The following GPAM variants were observed in gnomAD, a reference collection of about 807,000 sequenced individuals.
GPAM encodes glycerol-3-phosphate acyltransferase, mitochondrial.
GPAM carries 56 observed loss-of-function variants against 105.0 expected under a neutral mutation model. The ratio of observed to expected loss-of-function variants is 0.53; its 90% CI spans 0.43 to 0.67. The LOEUF is 0.67. Ranked by LOEUF, GPAM falls within the 30% of genes least tolerant of loss-of-function variation. GPAM has a pLI of 0.00. For missense variants in GPAM, 855 were observed against 989.8 expected (o/e 0.86, Z 1.83); for synonymous variants, 368 against 354.4 (o/e 1.04, Z -0.43).
chr10:112,167,115 AAGG>A (rs1441124932), intron 11 of GPAM, among the ~76,000 whole-genome samples: 1 of 152,128 alleles, frequency 6.6e-6, no homozygotes, highest in Non-Finnish European at 1.5e-5. Context: ...CATAGAACAC[AAGG>A]AGAAGAGTGT....
chr10:112,175,456 G>A (rs1378257033), intron 6 of GPAM, 144 bp downstream of exon 6: 2 of 656,208 alleles, frequency 3.0e-6, no homozygotes, highest in African/African-American at 1.8e-5. Flanking sequence ...TTCCTTTGGA[G>A]CTTAACATTT....
At chr10:112,189,555 C>A (rs964939714) in intron 1 of GPAM, among the ~76,000 whole-genome samples, 2 of 152,178 alleles carry the variant, frequency 1.3e-5, no homozygotes, top group Non-Finnish European at 2.9e-5. Flanking sequence ...TCAGGGTGAT[C>A]TCTTGCCTAG....
chr10:112,217,264 G>C (rs1220588032), upstream of GPAM, among the ~76,000 whole-genome samples: 1 of 152,102 alleles, frequency 6.6e-6, no homozygotes, highest in Non-Finnish European at 1.5e-5. Context: ...GCAATCATAG[G>C]ATATGTGACC....
In GPAM at chr10:112,182,856, T is replaced by A. The variant is rs577111568; in HGVS notation, c.-92A>T. The A allele has an allele frequency of 7.9e-5, 12 of 152,216 alleles. No homozygotes were observed. Among genetic ancestry groups the A allele is most frequent in the African/African-American group, 1.4e-4 (6 of 41,454 alleles). The allele number at this position is 152,216 out of a possible 1,614,324, so 9.4% of individuals were successfully genotyped here. A position where few individuals can be genotyped will look rare whatever the true frequency, so the allele number is the denominator to read the frequency against. ...TCAGGACTCAGCTATCAGTTTCGGG[T>A]GCAGAATGTCCATACAACAGGGGAG... On this transcript the variant is annotated 5_prime_UTR_variant, in exon 2 of 22. Transcript: ENST00000348367.
chr10:112,168,546 A>G, intron 10 of GPAM, 22 bp from the exon 11 acceptor site: 1 of 1,466,904 alleles, frequency 6.8e-7, no homozygotes, highest in Non-Finnish European at 9.6e-7. Flanking sequence ...GAAGAAAGTA[A>G]AACATACATT....
At chr10:112,221,499 T>G in the GPAM span, among the ~76,000 whole-genome samples, 1 of 152,240 alleles carries the variant, frequency 6.6e-6, no homozygotes, top group Non-Finnish European at 1.5e-5. Context: ...AATCTGCATT[T>G]TAACAGAATG....
intron 1 of GPAM, among the ~76,000 whole-genome samples, chr10:112,199,752 G>A (rs777447979): frequency 5.9e-5 from 9 of 152,116 alleles, no homozygotes; most frequent in African/African-American, 1.9e-4. Flanking sequence ...CACATCTTAC[G>A]TGGCAGCAGG....
chr10:112,159,908 C>A lies in GPAM; in HGVS notation c.1902+3G>T, dbSNP rs1369267045. 1 of 1,613,512 alleles carries A rather than the reference C, an allele frequency of 6.2e-7. No homozygotes were observed. The highest frequency in any genetic ancestry group is 1.3e-5 in the African/African-American group (1 of 74,916). On this transcript the variant is annotated splice_donor_region_variant and intron_variant, in intron 17 of 21. Coordinates refer to ENST00000348367, the MANE Select transcript of GPAM (RefSeq NM_001244949.2). ...CAGGCAACACTGAAGGGTCTTCACT[C>A]ACCAGTGAGATGGTGCCTTCATTGG...
At chr10:112,165,269 A>G (rs984064225) in intron 12 of GPAM, among the ~76,000 whole-genome samples, 1 of 152,148 alleles carries the variant, frequency 6.6e-6, no homozygotes, top group African/African-American at 2.4e-5. Flanking sequence ...AAGAATTTAA[A>G]CCAGCAAGGG....
At position 112,152,251 on chromosome 10, in the gene GPAM, A is replaced by T; in HGVS notation, c.*1299T>A. The stretch of plus-strand genomic sequence containing the variant: ...CTGTTAGAAAACGTTTTAACATTAC[A>T]TGATATTTAAAAAATCACCATAATT... On this transcript the variant is annotated 3_prime_UTR_variant, in exon 22 of 22. Transcript: ENST00000348367. 2.0e-6 allele frequency: 2 copies of T among 977,330 alleles called. No homozygotes were observed. Among genetic ancestry groups the T allele is most frequent in the Non-Finnish European group, 2.4e-6 (2 of 822,716 alleles). The allele number at this position is 977,330 out of a possible 1,614,324, so 60.5% of individuals were successfully genotyped here. A position where few individuals can be genotyped will look rare whatever the true frequency, so the allele number is the denominator to read the frequency against.
Position 112,179,977 on chromosome 10 carries a change from C to T in GPAM, c.225+496G>A, listed in dbSNP as rs142584805. Reference sequence around the variant, plus strand: ...TTTCACCAAAATACAAACAACAAACCCATATACACTCTCTTAAATCTTCAT... The same window carrying T: ...TTTCACCAAAATACAAACAACAAACTCATATACACTCTCTTAAATCTTCAT... On this transcript the variant is annotated intron_variant, in intron 4 of 21. Coordinates refer to ENST00000348367, the MANE Select transcript of GPAM (RefSeq NM_001244949.2). 6.3e-3 allele frequency among the ~76,000 whole-genome samples: 966 copies of T among 152,192 alleles called. 8 individuals are homozygous for T. The highest frequency in any genetic ancestry group is 0.022 in the African/African-American group (905 of 41,526).
At position 112,180,602 on chromosome 10, in the gene GPAM, A is replaced by T. The variant is rs766508573; in HGVS notation, c.103-7T>A. 6 of 1,604,780 alleles carry T rather than the reference A, an allele frequency of 3.7e-6. No homozygotes were observed. The highest frequency in any genetic ancestry group is 1.7e-4 in the Middle Eastern group (1 of 6,050). ...GTCTAAAGCCACACTCACCCTGACA[A>T]ATATTAAGAAAAAAATATAGTTTCT... On this transcript the variant is annotated splice_polypyrimidine_tract_variant and splice_region_variant and intron_variant, in intron 3 of 21. Transcript: ENST00000348367.
At chr10:112,217,887 C>T (rs1847986371), upstream of GPAM, among the ~76,000 whole-genome samples, 1 of 152,182 alleles carries the variant, frequency 6.6e-6, no homozygotes, top group Admixed American at 6.5e-5. Flanking sequence ...CCTACATATT[C>T]AGTCTTGGCT....
the GPAM span, among the ~76,000 whole-genome samples, chr10:112,226,763 C>T: frequency 6.6e-6 from 1 of 152,162 alleles, no homozygotes; most frequent in Admixed American, 6.5e-5. Context: ...ACGTGTTCTG[C>T]TACTTGAGAT....
intron 6 of GPAM, 42 bp from the exon 7 acceptor site, chr10:112,173,887 T>C (rs748725899): frequency 6.7e-7 from 1 of 1,490,076 alleles, no homozygotes. Context: ...ATTGTTTCTA[T>C]ACTACATTCT....
At chr10:112,193,147 G>C (rs1002598988) in intron 1 of GPAM, among the ~76,000 whole-genome samples, 1 of 152,176 alleles carries the variant, frequency 6.6e-6, no homozygotes, top group African/African-American at 2.4e-5. Context: ...TCTTGGAAGA[G>C]CAGAGAAGAC....
chr10:112,153,555 G>C lies in GPAM; in HGVS notation c.2482C>G (p.Leu828Val). ...LLEYILSFVV[L>V] Reference sequence around the variant, plus strand: ...CCAGCAGTGCCACACGTTACCTACAGCACCACAAAACTCAGAATATATTCT... The same window carrying C: ...CCAGCAGTGCCACACGTTACCTACACCACCACAAAACTCAGAATATATTCT... The change falls in exon 22 of 22, where the codon CTG becomes GTG. Residue 828 changes from leucine (L) to valine (V), a missense_variant. Leu to Val is a conservative substitution (Grantham distance 32). Transcript: ENST00000348367. 6.2e-7 allele frequency: 1 copy of C among 1,613,868 alleles called. No individual in the cohort carries two copies. Among genetic ancestry groups the C allele is most frequent in the Non-Finnish European group, 8.5e-7 (1 of 1,179,786 alleles).
At chr10:112,165,668 C>T (rs1847202625) in intron 12 of GPAM, among the ~76,000 whole-genome samples, 2 of 151,966 alleles carry the variant, frequency 1.3e-5, no homozygotes, top group Admixed American at 6.6e-5. Flanking sequence ...CCAGCCTGGG[C>T]TACAAGAACA....
rs1210226805 is a variant in GPAM, at chr10:112,168,443, A to G, written c.976T>C (p.Cys326Arg). Reference protein sequence around the residue: ...GTRSRSGKTSCARAGLLSVVV... With the variant: ...GTRSRSGKTSRARAGLLSVVV... ...ACTGACAAAAGTCCTGCCCGAGCAC[A>G]AGAGGTTTTTCCACTCCTAGAACGT... The change falls in exon 11 of 22, where the codon TGT (cysteine) becomes CGT (arginine). Residue 326 changes from cysteine (C) to arginine (R), a missense_variant. Coordinates refer to ENST00000348367, the MANE Select transcript of GPAM (RefSeq NM_001244949.2). 4.3e-6 allele frequency: 7 copies of G among 1,612,396 alleles called. No homozygotes were observed. Among genetic ancestry groups the G allele is most frequent in the Middle Eastern group, 1.7e-4 (1 of 6,056 alleles).
Sources: allele counts gnomAD v4.1 joint callset (sites outside exome capture counted in the v4.1 genomes callset), GRCh38; gene constraint gnomAD v4.1.1; transcripts MANE v1.5; gene names NCBI Gene and HGNC (gene_info 2026-07-23, HGNC 2026-07-21).